Variants in FUS observed in about 807,000 individuals in gnomAD.
FUS encodes the protein RNA-binding protein FUS.
Under a neutral mutation model 82.7 loss-of-function variants are expected in FUS, and 5 were observed. The observed-to-expected ratio is 0.06, with a 90% CI of 0.03 to 0.13. The LOEUF (loss-of-function observed/expected upper bound fraction) is 0.13, where lower values mean the gene tolerates loss of function less well. FUS is among the 10% of genes least tolerant of loss of function. The pLI is 1.00. For missense variants in FUS, 512 were observed against 707.8 expected (o/e 0.72, Z 3.14); for synonymous variants, 281 against 247.4 (o/e 1.14, Z -1.27).
chr16:31,191,534 G>T lies in FUS; in HGVS notation c.*96G>T, dbSNP rs751094189. 2 of 1,328,478 alleles carry T rather than the reference G, an allele frequency of 1.5e-6. No homozygotes were observed. Among genetic ancestry groups the T allele is most frequent in the Non-Finnish European group, 2.2e-6 (2 of 925,102 alleles). 82.3% of individuals were successfully genotyped at this position (1,328,478 alleles called of 1,614,324 possible). A position where few individuals can be genotyped will look rare whatever the true frequency, so the allele number is the denominator to read the frequency against. ...CCTTCCAATTCCTGATCACCCAAGG[G>T]TTTTTTTGTGTCGGACTATGTAATT... On this transcript the variant is annotated 3_prime_UTR_variant, in exon 15 of 15. Coordinates refer to ENST00000254108, the MANE Select transcript of FUS (RefSeq NM_004960.4).
rs781067585 is a variant in FUS, at chr16:31,191,577, T to G, written c.*139T>G. The G allele has an allele frequency of 3.6e-5, 34 of 945,098 alleles. 2 individuals are homozygous for G. In the South Asian group the frequency reaches 4.6e-4, roughly 13 times the overall value. 58.5% of individuals were successfully genotyped at this position (945,098 alleles called of 1,614,324 possible). Reference sequence around the variant, plus strand: ...ATGTAATTGTAACTATACCTCTGGTTCCCATTAAAAGTGACCATTTTAGTT... The same window carrying G: ...ATGTAATTGTAACTATACCTCTGGTGCCCATTAAAAGTGACCATTTTAGTT... On this transcript the variant is annotated 3_prime_UTR_variant, in exon 15 of 15. Coordinates refer to ENST00000254108, the MANE Select transcript of FUS (RefSeq NM_004960.4).
intron 6 of FUS, chr16:31,186,218 C>G (rs1317500003): frequency 4.1e-6 from 1 of 246,372 alleles, no homozygotes; most frequent in Non-Finnish European, 8.0e-6. Flanking sequence ...CTCCGCTCTT[C>G]TCGCAGTGTA....
At position 31,191,034 on chromosome 16, in the gene FUS, G is replaced by A. The variant is rs2079348972; in HGVS notation, c.1465G>A (p.Gly489Arg). ...YDRGGYRGRG[G>R]DRGGFRGGRG... ...TCGAGGCGGCTACCGGGGCCGCGGC[G>A]GGGACCGTGGAGGCTTCCGAGGGGG... The change falls in exon 14 of 15, where the codon GGG (glycine) becomes AGG (arginine). Residue 489 changes from glycine (G) to arginine (R), a missense_variant. Transcript: ENST00000254108. 6.2e-7 allele frequency: 1 copy of A among 1,613,912 alleles called. No individual in the cohort carries two copies. The highest frequency in any genetic ancestry group is 8.5e-7 in the Non-Finnish European group (1 of 1,179,996).
chr16:31,194,081 CCCTT>C (rs1404327589), downstream of FUS: 1 of 534,116 alleles, frequency 1.9e-6, no homozygotes, highest in Non-Finnish European at 3.6e-6. Context: ...GTCTGTTTGT[CCCTT>C]CCTTGATGTA....
At chr16:31,182,309 C>T (rs2079190846) in intron 1 of FUS, 89 bp from the exon 2 acceptor site, 1 of 1,485,482 alleles carries the variant, frequency 6.7e-7, no homozygotes, top group Non-Finnish European at 9.4e-7. Flanking sequence ...CCTTTTTATT[C>T]ATCAGTGCTT....
chr16:31,182,492 G>T lies in FUS; in HGVS notation c.39-21G>T, dbSNP rs757235226. On this transcript the variant is annotated intron_variant, in intron 2 of 14. Coordinates refer to ENST00000254108, the MANE Select transcript of FUS (RefSeq NM_004960.4). ...TGGTCACGCCATGTTTTCTGATCAC[G>T]CTGGTTTTCCTTTTATTTAGCTATG... 5.6e-6 allele frequency: 9 copies of T among 1,614,054 alleles called. No homozygotes were observed. The Admixed American group carries it at 1.0e-4, about 18-fold the overall frequency.
rs748605384 is a variant in FUS at position 31,182,827 on chromosome 16, C to A, written c.190+163C>A. On this transcript the variant is annotated intron_variant, in intron 3 of 14. Coordinates refer to ENST00000254108, the MANE Select transcript of FUS (RefSeq NM_004960.4). The stretch of plus-strand genomic sequence containing the variant: ...AGCCTACCGGGTTCAAACGATTCTC[C>A]TGCCTCAGCCTCCTGAGTAGCTGGG... The A allele has an allele frequency of 2.0e-5, 16 of 805,916 alleles. No individual in the cohort carries two copies. In the East Asian group the frequency reaches 3.5e-4, roughly 18 times the overall value. 49.9% of individuals were successfully genotyped at this position (805,916 alleles called of 1,614,324 possible). A position where few individuals can be genotyped will look rare whatever the true frequency, so the allele number is the denominator to read the frequency against.
At position 31,190,844 on chromosome 16, in the gene FUS, TAAGA is replaced by T. The variant is rs1159527520; in HGVS notation, c.1393+6_1393+9del. 4 of 1,613,820 alleles carry T rather than the reference TAAGA, an allele frequency of 2.5e-6. No individual in the cohort carries two copies. In the South Asian group the frequency reaches 4.4e-5, roughly 18 times the overall value. On this transcript the variant is annotated splice_donor_5th_base_variant and intron_variant, in intron 13 of 14. Transcript: ENST00000254108. ...GGGGACCAGGTGGCTCTCACATGGG[TAAGA>T]AAGGCAGACCTGGTGCTAGGGAGCT... is the stretch of plus-strand genomic sequence containing the variant.
chr16:31,192,833 A>G (rs1285838660), downstream of FUS: 1 of 482,892 alleles, frequency 2.1e-6, no homozygotes, highest in Non-Finnish European at 4.1e-6. Context: ...TGGCCTCCCA[A>G]AGTGCTGGAA....
At chr16:31,185,664 AGC>A (rs2079258785) in intron 6 of FUS, 7 of 464,382 alleles carry the variant, frequency 1.5e-5, no homozygotes, top group South Asian at 4.9e-5. Flanking sequence ...TGAATCCACG[AGC>A]TTGATTTGCA....
intron 6 of FUS, chr16:31,186,574 CT>C: frequency 1.7e-6 from 1 of 588,266 alleles, no homozygotes; most frequent in South Asian, 2.1e-5. Context: ...ATAACGTAAC[CT>C]TTTAAAGCAA....
Position 31,184,903 on chromosome 16 carries a change from GT to G in FUS, c.524-24del, listed in dbSNP as rs113171066. 9,160 of 1,215,870 alleles carry G rather than the reference GT, an allele frequency of 7.5e-3. 4 individuals are homozygous for G. Among genetic ancestry groups the G allele is most frequent in the African/African-American group, 0.014 (884 of 63,850 alleles). The allele number at this position is 1,215,870 out of a possible 1,614,324, so 75.3% of individuals were successfully genotyped here. On this transcript the variant is annotated intron_variant, in intron 5 of 14. Coordinates refer to ENST00000254108, the MANE Select transcript of FUS (RefSeq NM_004960.4). ...TTTAGTGCTACTTTACAATCTTTTT[GT>G]TTTTTTTTTTTAATCATTCTTTCTT... is the stretch of plus-strand genomic sequence containing the variant.
intron 8 of FUS, chr16:31,188,559 CA>C (rs2079306490): frequency 7.7e-6 from 5 of 645,508 alleles, no homozygotes; most frequent in Non-Finnish European, 1.4e-5. Flanking sequence ...GTTCCACCCC[CA>C]GTGATTTAGG....
downstream of FUS, chr16:31,194,838 CA>C (rs919966380): frequency 6.3e-6 from 3 of 477,068 alleles, 1 homozygote; most frequent in East Asian, 5.1e-5. Flanking sequence ...AAAATAAAAA[CA>C]AAAAATGATT....
At chr16:31,193,457 G>A (rs2079386688), downstream of FUS, 4 of 527,872 alleles carry the variant, frequency 7.6e-6, no homozygotes, top group Non-Finnish European at 1.1e-5. Flanking sequence ...TTCACTGTTG[G>A]TGCTTTGCCT....
At chr16:31,186,274 A>G (rs1467733240) in intron 6 of FUS, 1 of 286,348 alleles carries the variant, frequency 3.5e-6, no homozygotes, top group African/African-American at 2.2e-5. Context: ...ACAGCTCAGT[A>G]GTTAGGACAG....
chr16:31,184,228 A>G lies in FUS; in HGVS notation c.355A>G (p.Ser119Gly), dbSNP rs925607782. The change falls in exon 5 of 15, where the codon AGC (serine) becomes GGC (glycine). Residue 119 changes from serine (S) to glycine (G), a missense_variant. Around this residue, in one of 6 missense-constraint regions of FUS, gnomAD observed 276 missense variants for 303.3 expected, o/e 0.91. Coordinates refer to ENST00000254108, the MANE Select transcript of FUS (RefSeq NM_004960.4). Reference protein sequence around the residue: ...TSGSYGSSSQSSSYGQPQSGS... With the variant: ...TSGSYGSSSQGSSYGQPQSGS... ...CCCTAGTTACGGTAGCAGTTCTCAG[A>G]GCAGCAGCTATGGGCAGCCCCAGAG... 1.2e-6 allele frequency: 2 copies of G among 1,614,000 alleles called. No homozygotes were observed. The highest frequency in any genetic ancestry group is 1.7e-6 in the Non-Finnish European group (2 of 1,180,016).
At chr16:31,182,376 T>C in intron 1 of FUS, 22 bp from the exon 2 acceptor site, 2 of 1,613,642 alleles carry the variant, frequency 1.2e-6, no homozygotes, top group Non-Finnish European at 1.7e-6. Flanking sequence ...GAAGATAATG[T>C]GATTGTATTT....
downstream of FUS, chr16:31,191,823 T>G (rs1298638520): frequency 3.6e-6 from 2 of 562,616 alleles, no homozygotes; most frequent in Non-Finnish European, 6.7e-6. Context: ...ATGTCATGAG[T>G]GTTGGCCTAA....
Sources: allele counts gnomAD v4.1 joint callset, GRCh38; gene constraint gnomAD v4.1.1; regional missense constraint gnomAD v4.1.1; transcripts MANE v1.5; gene names NCBI Gene and HGNC (gene_info 2026-07-23, HGNC 2026-07-21).